The following E2F7 variants were observed in gnomAD, a reference collection of about 807,000 sequenced individuals.
The protein encoded by E2F7 is E2F transcription factor 7, also known as transcription factor E2F7.
A neutral mutation model predicts 81.1 loss-of-function variants in E2F7; 35 were observed. The observed-to-expected ratio is 0.43, with a 90% CI of 0.33 to 0.57. E2F7 has a LOEUF of 0.57. E2F7 is among the 20% of genes least tolerant of loss of function. The pLI, the probability that E2F7 is intolerant of heterozygous loss-of-function variation, is 0.04. For missense variants in E2F7, 961 were observed against 1,093.7 expected (o/e 0.88, Z 1.71); for synonymous variants, 416 against 416.2 (o/e 1.00, Z 0.01).
intron 6 of E2F7, chr12:77,044,381 A>C (rs1272171041): frequency 1.8e-6 from 1 of 571,034 alleles, no homozygotes; most frequent in African/African-American, 1.8e-5. Context: ...ACCCTCCCTG[A>C]CCGGAGTTCT....
At chr12:77,046,884 TATG>T (rs1211626941) in intron 4 of E2F7, among the ~76,000 whole-genome samples, 1 of 152,212 alleles carries the variant, frequency 6.6e-6, no homozygotes, top group Non-Finnish European at 1.5e-5. Context: ...ATGCAAATAT[TATG>T]TTTTCTATTT....
chr12:77,062,398 GT>G (rs1955085760), intron 2 of E2F7, among the ~76,000 whole-genome samples: 1 of 152,158 alleles, frequency 6.6e-6, no homozygotes, highest in South Asian at 2.1e-4. Flanking sequence ...TAAACCCCAT[GT>G]TTTCATTATC....
intron 3 of E2F7, among the ~76,000 whole-genome samples, chr12:77,052,958 A>G (rs1475491548): frequency 1.3e-5 from 2 of 152,296 alleles, no homozygotes; most frequent in East Asian, 1.9e-4. Context: ...TGTATATCAC[A>G]AAAAGATACA....
At position 77,030,015 on chromosome 12, in the gene E2F7, G is replaced by A. The variant is rs763311323; in HGVS notation, c.1700C>T (p.Ser567Leu). 16 of 1,614,164 alleles carry A rather than the reference G, an allele frequency of 9.9e-6. No homozygotes were observed. The South Asian group carries it at 1.8e-4, about 18-fold the overall frequency. Residue 567 changes from serine (S) to leucine (L), a missense_variant, in exon 10 of 13, where the codon TCA becomes TTA. Physicochemically the swap from Ser to Leu is moderately radical, Grantham distance 145. Around this residue, in one of 3 missense-constraint regions of E2F7, gnomAD observed 587 missense variants for 620.3 expected, o/e 0.95. Transcript: ENST00000322886. The part of the protein sequence containing the change: ...LYGSLQEGPA[S>L]GSGSERDDRS... The stretch of plus-strand genomic sequence containing the variant: ...GTCATCCCTCTCTGACCCTGACCCT[G>A]ACGCTGGTCCCTCCTGCAGACTTCC...
chr12:77,034,138 T>C lies in E2F7; in HGVS notation c.1124-96A>G, dbSNP rs74608417. On this transcript the variant is annotated intron_variant, in intron 7 of 12. Coordinates refer to ENST00000322886, the MANE Select transcript of E2F7 (RefSeq NM_203394.3). ...GATGGCTTTGAACCTATAATTGTAATGGAGCTATCACCCTATAAATCAAAA... is the reference window on the plus strand; with the variant it reads ...GATGGCTTTGAACCTATAATTGTAACGGAGCTATCACCCTATAAATCAAAA... 1.3e-3 allele frequency: 1,369 copies of C among 1,032,278 alleles called. 29 individuals carry two copies. In the East Asian group the frequency reaches 0.035, roughly 27 times the overall value. The allele number at this position is 1,032,278 out of a possible 1,614,324, so 63.9% of individuals were successfully genotyped here.
intron 7 of E2F7, among the ~76,000 whole-genome samples, chr12:77,041,226 T>C (rs920653123): frequency 2.6e-5 from 4 of 152,138 alleles, no homozygotes; most frequent in African/African-American, 9.7e-5. Context: ...AGTTTCACTC[T>C]TGTTGCCCAG....
intron 11 of E2F7, 146 bp from the exon 12 acceptor site, chr12:77,026,128 AGCCCACAC>A: frequency 1.1e-6 from 1 of 897,982 alleles, no homozygotes; most frequent in Admixed American, 2.9e-5. Flanking sequence ...CAGGCCAAAC[AGCCCACAC>A]CCTGCTCCTT....
chr12:77,059,003 G>T (rs1268624411), intron 2 of E2F7, among the ~76,000 whole-genome samples: 1 of 152,150 alleles, frequency 6.6e-6, no homozygotes, highest in African/African-American at 2.4e-5. Flanking sequence ...TATTCCAAAA[G>T]GTATCCTCAT....
chr12:77,044,731 G>A lies in E2F7; in HGVS notation c.894C>T (p.Phe298=), dbSNP rs1232677353. The change falls in exon 6 of 13, where the codon TTC becomes TTT. Residue 298 remains phenylalanine (F), a synonymous_variant. Transcript: ENST00000322886. ...TGACAATCTTGGTTTTGGAGACGAG[G>A]AACAGCATGACAAACTTCTGGCTCA... The part of the protein sequence containing the change: ...RIMSQKFVML[F]LVSKTKIVTL... 1 of 1,613,994 alleles carries A rather than the reference G, an allele frequency of 6.2e-7. No individual in the cohort carries two copies. Among genetic ancestry groups the A allele is most frequent in the African/African-American group, 1.3e-5 (1 of 74,900 alleles).
rs112797862 is a variant in E2F7 at position 77,050,887 on chromosome 12, T to G, written c.370-143A>C. Reference sequence around the variant, plus strand: ...TCTAGTTAAAATACATTTCCTAATCTAATTCCCTGAATGTTTTATCTATTG... The same window carrying G: ...TCTAGTTAAAATACATTTCCTAATCGAATTCCCTGAATGTTTTATCTATTG... On this transcript the variant is annotated intron_variant, in intron 3 of 12. Transcript: ENST00000322886. 4.9e-6 allele frequency: 4 copies of G among 812,126 alleles called. No individual in the cohort carries two copies. The African/African-American group carries it at 6.9e-5, about 14-fold the overall frequency. The allele number at this position is 812,126 out of a possible 1,614,324, so 50.3% of individuals were successfully genotyped here.
intron 9 of E2F7, among the ~76,000 whole-genome samples, chr12:77,032,283 CT>C (rs979496630): frequency 1.2e-4 from 18 of 152,210 alleles, no homozygotes; most frequent in African/African-American, 4.1e-4. Flanking sequence ...ACTTGACCTA[CT>C]TGCCTCCAAC....
At chr12:77,040,434 G>C (rs1219270664) in intron 7 of E2F7, among the ~76,000 whole-genome samples, 4 of 152,214 alleles carry the variant, frequency 2.6e-5, no homozygotes, top group African/African-American at 9.6e-5. Flanking sequence ...AGTACCGCCT[G>C]ATTCATCTGG....
rs1830353973 is a variant in E2F7, at chr12:77,022,339, A to C, written c.*1676T>G. ...CTATAGAAGACTGTAAAAAAGAAAA[A>C]AAAAACTTGTAAACTTTAAAAGTTT... On this transcript the variant is annotated 3_prime_UTR_variant, in exon 13 of 13. Coordinates refer to ENST00000322886, the MANE Select transcript of E2F7 (RefSeq NM_203394.3). The C allele has an allele frequency of 1.3e-5, 2 of 152,506 alleles. No homozygotes were observed. 9.4% of individuals were successfully genotyped at this position (152,506 alleles called of 1,614,324 possible).
chr12:77,027,930 G>A lies in E2F7; in HGVS notation c.2093C>T (p.Thr698Ile), dbSNP rs1354782974. The change falls in exon 11 of 13, where the codon ACC (threonine) becomes ATC (isoleucine). Residue 698 changes from threonine (T) to isoleucine (I), a missense_variant. By Grantham distance (89) the Thr-to-Ile change is moderately conservative (BLOSUM62 -1). Transcript: ENST00000322886. The stretch of plus-strand genomic sequence containing the variant: ...ATATTGTAGCAAAGAAGGCTCTTTG[G>A]TGCTTTCATTTTCTTTTGAAGGCTT... Reference protein sequence around the residue: ...VEKPSKENESTKEPSLLQYLC... With the variant: ...VEKPSKENESIKEPSLLQYLC... 1.9e-6 allele frequency: 3 copies of A among 1,614,082 alleles called. No individual in the cohort carries two copies. Among genetic ancestry groups the A allele is most frequent in the Non-Finnish European group, 2.5e-6 (3 of 1,180,044 alleles).
chr12:77,028,829 A>G (rs1284528760), intron 10 of E2F7, among the ~76,000 whole-genome samples: 1 of 152,234 alleles, frequency 6.6e-6, no homozygotes, highest in Non-Finnish European at 1.5e-5. Context: ...TAAAGGTAGC[A>G]TATAGCTGCG....
rs1479746273 is a variant in E2F7 at position 77,044,900 on chromosome 12, A to C, written c.830-105T>G. On this transcript the variant is annotated intron_variant, in intron 5 of 12. Transcript: ENST00000322886. ...TCTAGCCCTATCAGCAGATGGAAAGATCACCCTTGTCATTGGCAGAAGCTT... is the reference window on the plus strand; with the variant it reads ...TCTAGCCCTATCAGCAGATGGAAAGCTCACCCTTGTCATTGGCAGAAGCTT... 4 of 1,324,542 alleles carry C rather than the reference A, an allele frequency of 3.0e-6. No homozygotes were observed. The Admixed American group carries it at 7.1e-5, about 23-fold the overall frequency. The allele number at this position is 1,324,542 out of a possible 1,614,324, so 82.0% of individuals were successfully genotyped here.
chr12:77,035,622 G>A (rs188707), intron 7 of E2F7, among the ~76,000 whole-genome samples: 148,728 of 152,340 alleles, frequency 0.98, 72,625 homozygotes, highest in East Asian at 1. Flanking sequence ...ACATCCCAGA[G>A]CAAAGCTCAA....
chr12:77,051,496 G>T (rs969187643), intron 3 of E2F7, among the ~76,000 whole-genome samples: 1 of 152,070 alleles, frequency 6.6e-6, no homozygotes, highest in Non-Finnish European at 1.5e-5. Flanking sequence ...GTGGGGTGGG[G>T]GCAGGGGGGA....
rs543309129 is a variant in E2F7, at chr12:77,036,968, C to T, written c.1124-2926G>A. On this transcript the variant is annotated intron_variant, in intron 7 of 12. Transcript: ENST00000322886. ...GTTTCACCGTGTTAGCCAGGATGGT[C>T]TCAATCTCCTGACCTCGTGATCCAC... is the stretch of plus-strand genomic sequence containing the variant. Among the ~76,000 whole-genome samples, 564 of 152,272 alleles carry T rather than the reference C, an allele frequency of 3.7e-3. 3 individuals carry two copies. Among genetic ancestry groups the T allele is most frequent in the Non-Finnish European group, 5.6e-3 (383 of 68,012 alleles).
Sources: allele counts gnomAD v4.1 joint callset (sites outside exome capture counted in the v4.1 genomes callset), GRCh38; gene constraint gnomAD v4.1.1; regional missense constraint gnomAD v4.1.1; transcripts MANE v1.5; gene names NCBI Gene and HGNC (gene_info 2026-07-23, HGNC 2026-07-21).